NTNG2: variants seen among roughly 807,000 people sequenced by gnomAD.
NTNG2 encodes the protein netrin-G2.
Under a neutral mutation model 47.6 loss-of-function variants are expected in NTNG2, and 15 were observed. That is an observed-to-expected ratio of 0.32 (90% CI 0.21 to 0.49). NTNG2 has a LOEUF of 0.49. Ranked by LOEUF, NTNG2 falls within the 20% of genes least tolerant of loss-of-function variation. The pLI is 0.99. For synonymous variants in NTNG2, 307 were observed against 324.6 expected (o/e 0.95, Z 0.58); for missense variants, 578 against 764.6 (o/e 0.76, Z 2.88).
At chr9:132,192,108 A>T (rs925336040) in intron 2 of NTNG2, among the ~76,000 whole-genome samples, 6 of 152,156 alleles carry the variant, frequency 3.9e-5, no homozygotes, top group African/African-American at 1.2e-4. Flanking sequence ...GCTGTCCTGG[A>T]GATGGGTGGA....
intron 2 of NTNG2, among the ~76,000 whole-genome samples, chr9:132,171,140 G>T (rs1415601273): frequency 6.6e-6 from 1 of 152,166 alleles, no homozygotes. Flanking sequence ...CCAGTGGAAG[G>T]TTCCAGAGAG....
chr9:132,226,720 C>A lies in NTNG2; in HGVS notation c.858-129C>A. ...CTGGCCTAAAGGTTGGGCTGGTGGC[C>A]TCCAGGGTTTCTTCCTGGGCAGCCC... On this transcript the variant is annotated intron_variant, in intron 3 of 7. Transcript: ENST00000393229. The surrounding 1 kb of genome is among the most constrained non-coding windows in gnomAD (Gnocchi z 4.8). 1.4e-6 allele frequency: 1 copy of A among 733,152 alleles called. No individual in the cohort carries two copies. Among genetic ancestry groups the A allele is most frequent in the Non-Finnish European group, 2.1e-6 (1 of 477,748 alleles). The allele number at this position is 733,152 out of a possible 1,614,324, so 45.4% of individuals were successfully genotyped here.
intron 2 of NTNG2, among the ~76,000 whole-genome samples, chr9:132,167,660 C>A (rs1463538326): frequency 6.6e-6 from 1 of 152,136 alleles, no homozygotes; most frequent in Non-Finnish European, 1.5e-5. Context: ...TGATGGCAGC[C>A]CCTGGGTAAG....
rs1253647050 is a variant in NTNG2 at position 132,197,811 on chromosome 9, C to T, written c.214-155C>T. Among the ~76,000 whole-genome samples the T allele has an allele frequency of 6.6e-6, 1 of 151,982 alleles. No homozygotes were observed. The highest frequency in any genetic ancestry group is 1.5e-5 in the Non-Finnish European group (1 of 67,994). Reference sequence around the variant, plus strand: ...TCTGCACGCATTGAGGAAATGGGCACAAATCTCCCAGCTGTGTCTGGGCAC... The same window carrying T: ...TCTGCACGCATTGAGGAAATGGGCATAAATCTCCCAGCTGTGTCTGGGCAC... On this transcript the variant is annotated intron_variant, in intron 2 of 7. Transcript: ENST00000393229. The surrounding 1 kb of genome is among the most constrained non-coding windows in gnomAD (Gnocchi z 4.3).
chr9:132,212,110 A>G (rs1839633690), intron 3 of NTNG2, among the ~76,000 whole-genome samples: 1 of 151,998 alleles, frequency 6.6e-6, no homozygotes, highest in African/African-American at 2.4e-5. Flanking sequence ...CCCTTCCACC[A>G]TCACACCCTG....
chr9:132,186,132 G>A (rs564878119), intron 2 of NTNG2, among the ~76,000 whole-genome samples: 230 of 152,296 alleles, frequency 1.5e-3, no homozygotes, highest in Non-Finnish European at 2.7e-3. Flanking sequence ...TCGAAGGAGG[G>A]AGCAGTGGGG....
chr9:132,164,560 G>C (rs1331587329), intron 1 of NTNG2, among the ~76,000 whole-genome samples: 1 of 152,238 alleles, frequency 6.6e-6, no homozygotes, highest in Admixed American at 6.5e-5. Context: ...GCGCGAGCTC[G>C]GGTAGAGGCA....
chr9:132,220,584 GT>G (rs1216976682), intron 3 of NTNG2, among the ~76,000 whole-genome samples: 1 of 151,604 alleles, frequency 6.6e-6, no homozygotes, highest in Non-Finnish European at 1.5e-5. Flanking sequence ...CTCCCAAGTA[GT>G]TGGGATTACA....
Position 132,216,861 on chromosome 9 carries a change from G to T in NTNG2, c.858-9988G>T, listed in dbSNP as rs377606122. ...GTGCCAGGAGGGCACGTGGCAAAGG[G>T]GGCTTCTTTCTTCTTCTGTGGCTGC... On this transcript the variant is annotated intron_variant, in intron 3 of 7. Coordinates refer to ENST00000393229, the MANE Select transcript of NTNG2 (RefSeq NM_032536.4). Among the ~76,000 whole-genome samples, 531 of 152,322 alleles carry T rather than the reference G, an allele frequency of 3.5e-3. 10 individuals carry two copies. The South Asian group carries it at 0.053, about 15-fold the overall frequency.
At position 132,231,220 on chromosome 9, in the gene NTNG2, C is replaced by T; in HGVS notation, c.1054+625C>T. The T allele has an allele frequency of 2.3e-6, 1 of 438,420 alleles. No individual in the cohort carries two copies. Among genetic ancestry groups the T allele is most frequent in the Non-Finnish European group, 4.6e-6 (1 of 218,056 alleles). 27.2% of individuals were successfully genotyped at this position (438,420 alleles called of 1,614,324 possible). ...AGGAGGGCGAGGGCGACATGGCGCC[C>T]ACAGGTTATCAGTAAATGTCATCGA... On this transcript the variant is annotated intron_variant, in intron 5 of 7. Transcript: ENST00000393229. The surrounding 1 kb of genome is among the most constrained non-coding windows in gnomAD (Gnocchi z 4.1).
At chr9:132,237,201 CTG>C (rs753582591) in intron 5 of NTNG2, among the ~76,000 whole-genome samples, 9 of 152,146 alleles carry the variant, frequency 5.9e-5, no homozygotes, top group Non-Finnish European at 1.0e-4. Flanking sequence ...TTGGGATGTG[CTG>C]TGTTTCCTTC....
chr9:132,201,773 A>T (rs1838770087), intron 3 of NTNG2, among the ~76,000 whole-genome samples: 2 of 152,314 alleles, frequency 1.3e-5, no homozygotes, highest in Admixed American at 6.5e-5. Context: ...TTTCTTGTTT[A>T]ATCAATAGCC....
In NTNG2 at chr9:132,240,953, C is replaced by T. The variant is rs1841939673; in HGVS notation, c.1266C>T (p.Asn422=). 6.2e-7 allele frequency: 1 copy of T among 1,612,606 alleles called. No individual in the cohort carries two copies. The highest frequency in any genetic ancestry group is 8.5e-7 in the Non-Finnish European group (1 of 1,179,804). The part of the protein sequence containing the change: ...NQIGSVHDRC[N]ETGFCECREG... ...TAGGCTCCGTGCACGACCGGTGCAA[C>T]GAGACCGGCTTCTGCGAGTGCCGCG... Residue 422 remains asparagine, a synonymous_variant, in exon 7 of 8, where the codon AAC becomes AAT. Coordinates refer to ENST00000393229, the MANE Select transcript of NTNG2 (RefSeq NM_032536.4).
At chr9:132,228,254 T>C (rs1284557807) in intron 4 of NTNG2, among the ~76,000 whole-genome samples, 1 of 152,232 alleles carries the variant, frequency 6.6e-6, no homozygotes, top group African/African-American at 2.4e-5. Flanking sequence ...GACAGGCATG[T>C]CACGCGTGTG....
chr9:132,214,877 T>TAA (rs1564424885), intron 3 of NTNG2, among the ~76,000 whole-genome samples: 5 of 132,558 alleles, frequency 3.8e-5, no homozygotes, highest in Admixed American at 7.2e-5. Flanking sequence ...AAAAAAAATT[T>TAA]TTTTTTTTTT....
rs557066893 is a variant in NTNG2, at chr9:132,226,322, A to T, written c.858-527A>T. Reference sequence around the variant, plus strand: ...GTGAATGAACTGACGGGGGTGTGGGAGTTGGGGGTTCTATCTGTTGCCCTC... The same window carrying T: ...GTGAATGAACTGACGGGGGTGTGGGTGTTGGGGGTTCTATCTGTTGCCCTC... On this transcript the variant is annotated intron_variant, in intron 3 of 7. Transcript: ENST00000393229. The surrounding 1 kb of genome is among the most constrained non-coding windows in gnomAD (Gnocchi z 4.8). Among the ~76,000 whole-genome samples, 16 of 152,258 alleles carry T rather than the reference A, an allele frequency of 1.1e-4. No individual in the cohort carries two copies. The highest frequency in any genetic ancestry group is 8.5e-4 in the Admixed American group (13 of 15,292).
rs959488766 is a variant in NTNG2 at position 132,243,914 on chromosome 9, C to G, written c.*1803C>G. ...TGACCCGGAAGTGCCTTCCGACAGG[C>G]CCTGCATCCTCCTGCAGCTGGCCCA... On this transcript the variant is annotated 3_prime_UTR_variant, in exon 8 of 8. Coordinates refer to ENST00000393229, the MANE Select transcript of NTNG2 (RefSeq NM_032536.4). The G allele has an allele frequency of 6.6e-6, 1 of 152,598 alleles. No individual in the cohort carries two copies. Among genetic ancestry groups the G allele is most frequent in the African/African-American group, 2.4e-5 (1 of 41,458 alleles). 9.5% of individuals were successfully genotyped at this position (152,598 alleles called of 1,614,324 possible).
intron 5 of NTNG2, chr9:132,238,876 A>C: frequency 3.3e-6 from 2 of 610,886 alleles, no homozygotes; most frequent in Non-Finnish European, 5.8e-6. Flanking sequence ...CCAGGTGGGA[A>C]TCCCTGGGCT....
rs34275041 is a variant in NTNG2 at position 132,215,077 on chromosome 9, T to TG, written c.858-11761dup. 0.019 allele frequency among the ~76,000 whole-genome samples: 2,674 copies of TG among 139,418 alleles called. 40 individuals carry two copies. The highest frequency in any genetic ancestry group is 0.068 in the East Asian group (289 of 4,278). The allele number at this position is 139,418 out of a possible 152,430, so 91.5% of individuals were successfully genotyped here. On this transcript the variant is annotated intron_variant, in intron 3 of 7. Coordinates refer to ENST00000393229, the MANE Select transcript of NTNG2 (RefSeq NM_032536.4). The surrounding 1 kb of genome is among the most constrained non-coding windows in gnomAD (Gnocchi z 4.2). ...TTTTTTTTAATTTTTTTGTAGAGATTGGGGGGGGGGGTCTCACTTTCTTGC... is the reference window on the plus strand; with the variant it reads ...TTTTTTTTAATTTTTTTGTAGAGATTGGGGGGGGGGGGTCTCACTTTCTTGC...
Sources: allele counts gnomAD v4.1 joint callset (sites outside exome capture counted in the v4.1 genomes callset), GRCh38; gene constraint gnomAD v4.1.1; non-coding constraint Gnocchi (gnomAD v3.1); transcripts MANE v1.5; gene names NCBI Gene and HGNC (gene_info 2026-07-23, HGNC 2026-07-21).